Variants in IQCM observed in about 807,000 individuals in gnomAD.
IQCM encodes the protein IQ motif containing M, also known as IQ domain-containing protein M.
Under a neutral mutation model 57.6 loss-of-function variants are expected in IQCM, and 45 were observed. The observed-to-expected ratio is 0.78, with a 90% CI of 0.62 to 1.00. The LOEUF (loss-of-function observed/expected upper bound fraction) is 1.00, where lower values mean the gene tolerates loss of function less well. Ranked by LOEUF, IQCM falls within the 50% of genes least tolerant of loss-of-function variation. The pLI, the probability that IQCM is intolerant of heterozygous loss-of-function variation, is 0.00. For missense variants in IQCM, 468 were observed against 511.6 expected, an observed-to-expected ratio of 0.91 and a Z score of 0.82; for synonymous variants, 148 against 158.9, an observed-to-expected ratio of 0.93 and a Z score of 0.51.
intron 7 of IQCM, among the ~76,000 whole-genome samples, chr4:149,660,432 C>A (rs1447997050): frequency 2.0e-5 from 3 of 151,496 alleles, no homozygotes; most frequent in Non-Finnish European, 4.4e-5. Flanking sequence ...GGCGATTCCT[C>A]AGGGATCTAG....
intron 7 of IQCM, among the ~76,000 whole-genome samples, chr4:149,630,549 A>T (rs963006498): frequency 3.9e-5 from 6 of 152,214 alleles, no homozygotes; most frequent in Non-Finnish European, 8.8e-5. Context: ...TTTTTCATTT[A>T]TCTCACATAA....
intron 8 of IQCM, among the ~76,000 whole-genome samples, chr4:149,600,959 T>C (rs116630388): frequency 2.7e-3 from 413 of 152,282 alleles, no homozygotes; most frequent in African/African-American, 9.6e-3. Context: ...TTGGGTATTA[T>C]CTCATTCCTC....
chr4:149,735,363 G>A lies in IQCM; in HGVS notation c.120+13C>T, dbSNP rs750343466. 26 of 1,203,548 alleles carry A rather than the reference G, an allele frequency of 2.2e-5. No individual in the cohort carries two copies. The highest frequency in any genetic ancestry group is 2.4e-5 in the Non-Finnish European group (23 of 962,556). 74.6% of individuals were successfully genotyped at this position (1,203,548 alleles called of 1,614,324 possible). ...TTTTAAAATGTAACATTAGATAAAT[G>A]CAAAGGACTAACCTCATTTATTTTC... On this transcript the variant is annotated intron_variant, in intron 4 of 13. Transcript: ENST00000636793.
In IQCM at chr4:149,459,017, C is replaced by T. The variant is rs547852092; in HGVS notation, c.1229-25460G>A. ...CTTTCAGCACCACTAGGTTATAGTG[C>T]AGTGGGGGTGTGAATCCCTGCCTGA... On this transcript the variant is annotated intron_variant, in intron 12 of 13. Coordinates refer to ENST00000636793, the MANE Select transcript of IQCM (RefSeq NM_001363507.2). Among the ~76,000 whole-genome samples the T allele has an allele frequency of 3.3e-5, 5 of 152,292 alleles. No individual in the cohort carries two copies. In the East Asian group the frequency reaches 9.6e-4, roughly 29 times the overall value.
At chr4:149,605,250 A>T (rs1754675832) in intron 8 of IQCM, among the ~76,000 whole-genome samples, 1 of 152,202 alleles carries the variant, frequency 6.6e-6, no homozygotes, top group African/African-American at 2.4e-5. Flanking sequence ...TAATAAAGGA[A>T]ACTGAAAATA....
At chr4:149,575,620 A>T (rs1318904375) in intron 9 of IQCM, among the ~76,000 whole-genome samples, 4 of 151,940 alleles carry the variant, frequency 2.6e-5, no homozygotes, top group African/African-American at 9.6e-5. Flanking sequence ...CCCAAAAAAC[A>T]AGTGCCCTCC....
At chr4:149,456,641 G>A (rs992661078) in intron 12 of IQCM, among the ~76,000 whole-genome samples, 3 of 151,966 alleles carry the variant, frequency 2.0e-5, no homozygotes, top group Non-Finnish European at 4.4e-5. Context: ...TTTTTAATTT[G>A]GGAGCAGATT....
At chr4:149,435,324 A>G (rs1034382996) in intron 12 of IQCM, among the ~76,000 whole-genome samples, 1 of 152,054 alleles carries the variant, frequency 6.6e-6, no homozygotes. Flanking sequence ...GTAATGATGG[A>G]CCAGATACAA....
chr4:149,665,888 C>T (rs972153296), intron 7 of IQCM, among the ~76,000 whole-genome samples: 13 of 152,196 alleles, frequency 8.5e-5, no homozygotes, highest in African/African-American at 2.4e-4. Flanking sequence ...ATTTCTCCCA[C>T]GCTGGACACT....
intron 12 of IQCM, among the ~76,000 whole-genome samples, chr4:149,464,941 T>C (rs1396053265): frequency 1.3e-5 from 2 of 152,150 alleles, no homozygotes; most frequent in East Asian, 1.9e-4. Context: ...CAAATTTAAA[T>C]AGGAATAGTT....
At chr4:149,414,837 AG>A (rs1198161979) in intron 13 of IQCM, among the ~76,000 whole-genome samples, 2 of 152,084 alleles carry the variant, frequency 1.3e-5, no homozygotes, top group African/African-American at 2.4e-5. Context: ...ATAGATTAAA[AG>A]TTTTAATTGA....
chr4:149,450,493 A>C (rs757773518), intron 12 of IQCM, among the ~76,000 whole-genome samples: 1 of 151,780 alleles, frequency 6.6e-6, no homozygotes, highest in Non-Finnish European at 1.5e-5. Flanking sequence ...AGAATACACA[A>C]TGGGCTCAAA....
intron 12 of IQCM, among the ~76,000 whole-genome samples, chr4:149,542,932 G>A (rs1054080557): frequency 2.6e-5 from 4 of 151,982 alleles, no homozygotes; most frequent in African/African-American, 9.7e-5. Context: ...TCCAAAGACA[G>A]CTAGAAAGTG....
At chr4:149,462,670 T>C (rs542662319) in intron 12 of IQCM, among the ~76,000 whole-genome samples, 1 of 152,300 alleles carries the variant, frequency 6.6e-6, no homozygotes, top group East Asian at 1.9e-4. Flanking sequence ...TTAGTTATCA[T>C]GGAAATAATG....
intron 2 of IQCM, among the ~76,000 whole-genome samples, chr4:149,779,152 T>A (rs970880131): frequency 6.6e-6 from 1 of 152,206 alleles, no homozygotes; most frequent in Non-Finnish European, 1.5e-5. Flanking sequence ...TTTATTCCAG[T>A]GATTCAATGC....
chr4:149,696,167 G>C (rs1002381983), intron 5 of IQCM, among the ~76,000 whole-genome samples: 3 of 151,420 alleles, frequency 2.0e-5, no homozygotes, highest in Admixed American at 6.6e-5. Context: ...CTTGTACAGT[G>C]GTTGCTCTGT....
chr4:149,525,952 A>G (rs1348125561), intron 12 of IQCM, among the ~76,000 whole-genome samples: 1 of 151,870 alleles, frequency 6.6e-6, no homozygotes, highest in Admixed American at 6.6e-5. Flanking sequence ...CAATCCATAG[A>G]AGAGCTACGT....
At chr4:149,635,855 C>G (rs1410831610) in intron 7 of IQCM, among the ~76,000 whole-genome samples, 1 of 151,894 alleles carries the variant, frequency 6.6e-6, no homozygotes, top group Non-Finnish European at 1.5e-5. Flanking sequence ...TAAATTGGGG[C>G]TCATCAATTA....
Position 149,553,428 on chromosome 4 carries a change from G to A in IQCM, c.949-141C>T, listed in dbSNP as rs185822245. 2.1e-4 allele frequency: 111 copies of A among 517,056 alleles called. 1 individual carries two copies. In the Admixed American group the frequency reaches 2.9e-3, roughly 14 times the overall value. 32.0% of individuals were successfully genotyped at this position (517,056 alleles called of 1,614,324 possible). A position where few individuals can be genotyped will look rare whatever the true frequency, so the allele number is the denominator to read the frequency against. Reference sequence around the variant, plus strand: ...TATTGCCTAGGTTGGCTAAATATACGCATTGTAGAGTAATATAATCTCCCT... The same window carrying A: ...TATTGCCTAGGTTGGCTAAATATACACATTGTAGAGTAATATAATCTCCCT... On this transcript the variant is annotated intron_variant, in intron 10 of 13. Transcript: ENST00000636793.
Sources: allele counts gnomAD v4.1 joint callset (sites outside exome capture counted in the v4.1 genomes callset), GRCh38; gene constraint gnomAD v4.1.1; transcripts MANE v1.5; gene names NCBI Gene and HGNC (gene_info 2026-07-23, HGNC 2026-07-21).